Variants in CACNA2D3 observed in about 807,000 individuals in gnomAD.
CACNA2D3 encodes the protein voltage-dependent calcium channel subunit alpha-2/delta-3.
Under a neutral mutation model 160.6 loss-of-function variants are expected in CACNA2D3, and 60 were observed. The observed-to-expected ratio is 0.37, with a 90% CI of 0.30 to 0.46. The LOEUF is 0.46. Among genes scored for constraint, CACNA2D3 ranks in the 20% least tolerant of loss-of-function variants. The pLI, the probability that CACNA2D3 is intolerant of heterozygous loss-of-function variation, is 1.00. For synonymous variants in CACNA2D3, 558 were observed against 492.9 expected, an observed-to-expected ratio of 1.13 and a Z score of -1.75; for missense variants, 1,205 against 1,365.0, an observed-to-expected ratio of 0.88 and a Z score of 1.85.
chr3:54,720,507 A>G (rs1701149090), intron 11 of CACNA2D3, among the ~76,000 whole-genome samples: 1 of 152,080 alleles, frequency 6.6e-6, no homozygotes, highest in East Asian at 1.9e-4. Context: ...CTTGCTTTAC[A>G]GATGATCATA....
intron 14 of CACNA2D3, among the ~76,000 whole-genome samples, chr3:54,836,576 A>G (rs1396477397): frequency 6.6e-6 from 1 of 152,144 alleles, no homozygotes; most frequent in African/African-American, 2.4e-5. Context: ...CTTCTTCATC[A>G]TGATTTTAGA....
intron 2 of CACNA2D3, among the ~76,000 whole-genome samples, chr3:54,308,943 T>C (rs1332714510): frequency 1.3e-5 from 2 of 152,222 alleles, no homozygotes; most frequent in Non-Finnish European, 2.9e-5. Flanking sequence ...CTTTGTACAA[T>C]AACATTTTAT....
chr3:54,129,313 T>C (rs1699659671), intron 2 of CACNA2D3, among the ~76,000 whole-genome samples: 1 of 152,236 alleles, frequency 6.6e-6, no homozygotes, highest in Non-Finnish European at 1.5e-5. Context: ...GAATTATTTT[T>C]TACAAATACA....
intron 27 of CACNA2D3, among the ~76,000 whole-genome samples, chr3:54,941,603 A>G (rs759658831): frequency 6.6e-6 from 1 of 152,160 alleles, no homozygotes; most frequent in Admixed American, 6.5e-5. Context: ...ACAATGCCCC[A>G]TATTGTTTTC....
At chr3:54,179,737 T>G (rs540584596) in intron 2 of CACNA2D3, among the ~76,000 whole-genome samples, 1 of 152,298 alleles carries the variant, frequency 6.6e-6, no homozygotes, top group South Asian at 2.1e-4. Flanking sequence ...AGTGCCCTTA[T>G]AAGAAGAGAG....
chr3:54,335,888 C>G (rs1283280436), intron 3 of CACNA2D3, among the ~76,000 whole-genome samples: 2 of 150,912 alleles, frequency 1.3e-5, no homozygotes, highest in Admixed American at 1.3e-4. Context: ...TTTGTAGTCA[C>G]AGCTACTCAG....
At chr3:54,782,375 A>G (rs1702552699) in intron 13 of CACNA2D3, among the ~76,000 whole-genome samples, 1 of 152,220 alleles carries the variant, frequency 6.6e-6, no homozygotes, top group Non-Finnish European at 1.5e-5. Flanking sequence ...AAGATTTAAA[A>G]ACATAATATT....
intron 3 of CACNA2D3, among the ~76,000 whole-genome samples, chr3:54,321,922 C>CAAAAAAAAAAAAA (rs1214395409): frequency 9.9e-6 from 1 of 100,702 alleles, no homozygotes; most frequent in Non-Finnish European, 2.0e-5. Flanking sequence ...GAAATCCTTG[C>CAAAAAAAAAAAAA]AAAAAAAAAA....
chr3:54,454,690 G>C (rs1027171944), intron 4 of CACNA2D3, among the ~76,000 whole-genome samples: 1 of 151,936 alleles, frequency 6.6e-6, no homozygotes, highest in East Asian at 1.9e-4. Context: ...TGAAACATTA[G>C]AACTTATTCC....
intron 2 of CACNA2D3, among the ~76,000 whole-genome samples, chr3:54,222,361 A>G (rs1701590728): frequency 6.6e-6 from 1 of 152,200 alleles, no homozygotes; most frequent in Non-Finnish European, 1.5e-5. Context: ...TGAAGGCAGG[A>G]ATAAGCCAAT....
chr3:54,765,819 A>T (rs1402967495), intron 13 of CACNA2D3, among the ~76,000 whole-genome samples: 1 of 152,190 alleles, frequency 6.6e-6, no homozygotes, highest in African/African-American at 2.4e-5. Flanking sequence ...TCAACTACAT[A>T]TGGGGATTTA....
chr3:54,403,397 ACG>A lies in CACNA2D3; in HGVS notation c.381+16625_381+16626del, dbSNP rs1553649641. ...CACACACACACACACACACACACAC[ACG>A]CACACACAATAAAAATATCTTGAGA... is the stretch of plus-strand genomic sequence containing the variant. On this transcript the variant is annotated intron_variant, in intron 4 of 37. Transcript: ENST00000474759. 1.6e-4 allele frequency among the ~76,000 whole-genome samples: 23 copies of A among 147,342 alleles called. No homozygotes were observed. In the East Asian group the frequency reaches 2.7e-3, roughly 17 times the overall value.
chr3:54,557,006 T>A (rs1702252009), intron 5 of CACNA2D3, among the ~76,000 whole-genome samples: 1 of 152,110 alleles, frequency 6.6e-6, no homozygotes, highest in African/African-American at 2.4e-5. Context: ...AATACTTAGA[T>A]GAAAGCTCCA....
In CACNA2D3 at chr3:54,809,613, C is replaced by T. The variant is rs192291159; in HGVS notation, c.1381-7240C>T. Among the ~76,000 whole-genome samples the T allele has an allele frequency of 2.4e-3, 339 of 140,638 alleles. 34 individuals carry two copies. The highest frequency in any genetic ancestry group is 9.8e-3 in the African/African-American group (306 of 31,084). 92.3% of individuals were successfully genotyped at this position (140,638 alleles called of 152,430 possible). A position where few individuals can be genotyped will look rare whatever the true frequency, so the allele number is the denominator to read the frequency against. On this transcript the variant is annotated intron_variant, in intron 13 of 37. Transcript: ENST00000474759. ...GATTACAGGCGTGAGCCACCGCGCC[C>T]GGCCCCTTCCTTCTTTCTTTCTTTC...
At chr3:54,628,626 T>G (rs1338615170) in intron 10 of CACNA2D3, among the ~76,000 whole-genome samples, 3 of 147,076 alleles carry the variant, frequency 2.0e-5, no homozygotes, top group East Asian at 3.9e-4. Context: ...TGACTTGGAC[T>G]AGGGAGATAG....
intron 25 of CACNA2D3, among the ~76,000 whole-genome samples, chr3:54,893,751 A>G (rs559199397): frequency 1.3e-5 from 2 of 151,360 alleles, no homozygotes; most frequent in African/African-American, 4.9e-5. Flanking sequence ...TAGGTCGATT[A>G]TACTGAAACT....
intron 5 of CACNA2D3, among the ~76,000 whole-genome samples, chr3:54,551,080 C>T (rs1307923579): frequency 6.6e-6 from 1 of 152,250 alleles, no homozygotes; most frequent in Non-Finnish European, 1.5e-5. Context: ...TGAGGACAGA[C>T]TGCAGACCCA....
chr3:54,587,742 G>A (rs1011947487), intron 9 of CACNA2D3, among the ~76,000 whole-genome samples: 4 of 151,990 alleles, frequency 2.6e-5, no homozygotes, highest in South Asian at 2.1e-4. Flanking sequence ...TCTCAAAGCC[G>A]CAAACTTCCA....
chr3:54,391,344 A>C (rs1039796725), intron 4 of CACNA2D3, among the ~76,000 whole-genome samples: 2 of 152,142 alleles, frequency 1.3e-5, no homozygotes, highest in Non-Finnish European at 2.9e-5. Context: ...TAATGTCCTT[A>C]CTATGGCATT....
Sources: allele counts gnomAD v4.1 joint callset (sites outside exome capture counted in the v4.1 genomes callset), GRCh38; gene constraint gnomAD v4.1.1; transcripts MANE v1.5; gene names NCBI Gene and HGNC (gene_info 2026-07-23, HGNC 2026-07-21).